The following FANCA variants were observed in gnomAD, a reference collection of about 807,000 sequenced individuals.
The protein encoded by FANCA is FA complementation group A, also known as Fanconi anemia group A protein.
Under a neutral mutation model 194.3 loss-of-function variants are expected in FANCA, and 236 were observed. That is an observed-to-expected ratio of 1.21 (90% CI 1.09 to 1.35). The LOEUF (loss-of-function observed/expected upper bound fraction) is 1.35. Among genes scored for constraint, FANCA ranks in the 40% most tolerant of loss-of-function variants. The pLI is 0.00. For synonymous variants in FANCA, 1,014 were observed against 715.8 expected, an observed-to-expected ratio of 1.42 and a Z score of -6.65; for missense variants, 2,628 against 1,813.9, an observed-to-expected ratio of 1.45 and a Z score of -8.15.
chr16:89,752,247 C>T (rs2038621257), intron 30 of FANCA, 25 bp from the exon 31 acceptor site: 2 of 1,593,052 alleles, frequency 1.3e-6, no homozygotes, highest in East Asian at 2.2e-5. Flanking sequence ...CAATAAAATC[C>T]TCCTCAGTAT....
chr16:89,815,926 GCTGATT>G lies in FANCA; in HGVS notation c.134_139del (p.Glu45_Ser46del). ...CTGATGGCTTCGCAGGAGGCGCACA[GCTGATT>G]CCTTTAATTTCTGTGCCCTTTCAGG... On this transcript the variant is annotated inframe_deletion, in exon 2 of 43. Coordinates refer to ENST00000389301, the MANE Select transcript of FANCA (RefSeq NM_000135.4). 2 of 1,614,166 alleles carry G rather than the reference GCTGATT, an allele frequency of 1.2e-6. No homozygotes were observed. The highest frequency in any genetic ancestry group is 2.7e-5 in the African/African-American group (2 of 75,072).
chr16:89,787,508 G>A (rs2039937814), intron 14 of FANCA, among the ~76,000 whole-genome samples: 1 of 151,710 alleles, frequency 6.6e-6, no homozygotes, highest in Admixed American at 6.6e-5. Context: ...CAACAAGAGC[G>A]AACTCCATCT....
rs1338138752 is a variant in FANCA, at chr16:89,805,344, GCA to G, written c.643_644del (p.Cys215LeufsTer4). 3 of 1,614,078 alleles carry G rather than the reference GCA, an allele frequency of 1.9e-6. No homozygotes were observed. Among genetic ancestry groups the G allele is most frequent in the Non-Finnish European group, 2.5e-6 (3 of 1,179,962 alleles). On this transcript the variant is annotated frameshift_variant, in exon 7 of 43. Transcript: ENST00000389301. LOFTEE classifies it high-confidence loss of function. ...ATGCTTCCATCTGTTCACAAAGGCA[GCA>G]CAGATTCCTGAAGAGCCACGATCCC... ...AVGSWLFRNL[C>X]CLCEQMEASC...
In FANCA at chr16:89,739,344, T is replaced by TA. The variant is rs1215873478; in HGVS notation, c.4011-56_4011-55insT. On this transcript the variant is annotated intron_variant, in intron 40 of 42. Coordinates refer to ENST00000389301, the MANE Select transcript of FANCA (RefSeq NM_000135.4). ...TACAGACTGCTGGAAAGGTAGCAGG[T>TA]GATGCCAAGGGATACTGCTCATCTG... 2.6e-5 allele frequency: 42 copies of TA among 1,607,672 alleles called. No individual in the cohort carries two copies. The African/African-American group carries it at 3.7e-4, about 14-fold the overall frequency.
At position 89,787,704 on chromosome 16, in the gene FANCA, C is replaced by G. The variant is rs1476320368; in HGVS notation, c.1360-2740G>C. On this transcript the variant is annotated intron_variant, in intron 14 of 42. Coordinates refer to ENST00000389301, the MANE Select transcript of FANCA (RefSeq NM_000135.4). ...TGAGCCATGATCACACCACCACATCCCAGCCTGGGAGACAGAACAGAGACC... is the reference window on the plus strand; with the variant it reads ...TGAGCCATGATCACACCACCACATCGCAGCCTGGGAGACAGAACAGAGACC... 2.0e-5 allele frequency among the ~76,000 whole-genome samples: 3 copies of G among 151,790 alleles called. No individual in the cohort carries two copies. In the East Asian group the frequency reaches 5.8e-4, roughly 29 times the overall value.
chr16:89,748,744 G>C lies in FANCA; in HGVS notation c.3263C>G (p.Ser1088Cys). The C allele has an allele frequency of 6.2e-7, 1 of 1,613,992 alleles. No homozygotes were observed. The highest frequency in any genetic ancestry group is 1.3e-5 in the African/African-American group (1 of 75,060). ...CTGGAAGCTGCTGCCGCAGAGGACA[G>C]ACGAAGGCAGGCGGAGGAGGATCCT... ...YKRILLRLPSSVLCGSSFQAE... is the reference protein window; with the variant it reads ...YKRILLRLPSCVLCGSSFQAE... Residue 1088 changes from serine (S) to cysteine (C), a missense_variant, in exon 33 of 43, where the codon TCT becomes TGT. By Grantham distance (112) the Ser-to-Cys change is moderately radical (BLOSUM62 -1). Coordinates refer to ENST00000389301, the MANE Select transcript of FANCA (RefSeq NM_000135.4).
chr16:89,806,948 T>C (rs913075223), intron 6 of FANCA, among the ~76,000 whole-genome samples: 20 of 152,114 alleles, frequency 1.3e-4, no homozygotes, highest in African/African-American at 4.8e-4. Flanking sequence ...GCCCCTCACC[T>C]CCTGGACAGG....
At chr16:89,805,209 T>C (rs1484732720) in intron 7 of FANCA, 71 bp downstream of exon 7, 8 of 1,204,520 alleles carry the variant, frequency 6.6e-6, no homozygotes, top group Non-Finnish European at 8.5e-6. Context: ...GCAGAGCTCT[T>C]GAGAGCAGAA....
chr16:89,812,359 A>C (rs2040918852), intron 3 of FANCA, among the ~76,000 whole-genome samples: 1 of 149,890 alleles, frequency 6.7e-6, no homozygotes, highest in Non-Finnish European at 1.5e-5. Flanking sequence ...ACAAAAAAAA[A>C]CTGGAGGCCA....
chr16:89,772,865 G>C (rs565036346), intron 22 of FANCA, among the ~76,000 whole-genome samples: 1 of 152,010 alleles, frequency 6.6e-6, no homozygotes, highest in African/African-American at 2.4e-5. Context: ...ATCCACAGAT[G>C]AACATTTCTT....
At chr16:89,814,327 C>T (rs1326770279) in intron 3 of FANCA, among the ~76,000 whole-genome samples, 193 bp downstream of exon 3, 1 of 152,166 alleles carries the variant, frequency 6.6e-6, no homozygotes, top group Non-Finnish European at 1.5e-5. Context: ...GAATCAGACG[C>T]TGTTTTTAAA....
At chr16:89,759,318 TAAAAAAAAAAAAAAAAAAA>T (rs71137673) in intron 29 of FANCA, among the ~76,000 whole-genome samples, 97 of 75,206 alleles carry the variant, frequency 1.3e-3, no homozygotes, top group African/African-American at 4.8e-3. Flanking sequence ...AGACTCCGTC[TAAAAAAAAAAAAAAAAAAA>T]AAAAAAAAAA....
At chr16:89,788,227 C>T (rs1200031595) in intron 14 of FANCA, among the ~76,000 whole-genome samples, 2 of 151,786 alleles carry the variant, frequency 1.3e-5, no homozygotes, top group Non-Finnish European at 2.9e-5. Flanking sequence ...CTTTGGGAGG[C>T]TAAGTGGGGC....
Position 89,737,743 on chromosome 16 carries a change from T to C in FANCA, c.*858A>G, listed in dbSNP as rs1054946709. 1 of 1,606,472 alleles carries C rather than the reference T, an allele frequency of 6.2e-7. No homozygotes were observed. The highest frequency in any genetic ancestry group is 8.5e-7 in the Non-Finnish European group (1 of 1,174,192). On this transcript the variant is annotated 3_prime_UTR_variant, in exon 43 of 43. Coordinates refer to ENST00000389301, the MANE Select transcript of FANCA (RefSeq NM_000135.4). ...CAGCTGTGATGGTTTCACATTGTCA[T>C]CGTCGTCCCCCCGGGAGGTTGGAGC...
intron 7 of FANCA, among the ~76,000 whole-genome samples, chr16:89,803,624 CTT>C (rs34752953): frequency 2.9e-4 from 40 of 139,020 alleles, no homozygotes; most frequent in Non-Finnish European, 2.3e-4. Flanking sequence ...AGATTTTTTT[CTT>C]TTTTTTTTTT....
rs972105985 is a variant in FANCA, at chr16:89,791,160, G to C, written c.1359+243C>G. ...GAGACAGAAACCAGGGGAAGGAGCTGAGGCCCCGACAGGGAGAACCCAGGC... is the reference window on the plus strand; with the variant it reads ...GAGACAGAAACCAGGGGAAGGAGCTCAGGCCCCGACAGGGAGAACCCAGGC... On this transcript the variant is annotated intron_variant, in intron 14 of 42. Coordinates refer to ENST00000389301, the MANE Select transcript of FANCA (RefSeq NM_000135.4). The C allele has an allele frequency of 6.8e-5, 39 of 569,806 alleles. No homozygotes were observed. In the Middle Eastern group the frequency reaches 1.4e-3, roughly 21 times the overall value. The allele number at this position is 569,806 out of a possible 1,614,324, so 35.3% of individuals were successfully genotyped here.
Position 89,749,764 on chromosome 16 carries a change from G to A in FANCA, c.3205C>T (p.Leu1069Phe). 1.2e-6 allele frequency: 2 copies of A among 1,614,236 alleles called. No homozygotes were observed. Among genetic ancestry groups the A allele is most frequent in the Middle Eastern group, 1.6e-4 (1 of 6,062 alleles). Residue 1069 changes from leucine (L) to phenylalanine (F), a missense_variant, in exon 32 of 43, where the codon CTT (leucine) becomes TTT (phenylalanine). Transcript: ENST00000389301. ...ATTAGCAGCTCCCTCTGTCTCTGAA[G>A]GCTGGCAGCCACGCTCCACCCGCTT... ...LTSGWSVAAS[L>F]QRQRELLMYK... is the part of the protein sequence containing the mutation.
In FANCA at chr16:89,767,242, A is replaced by G. The variant is rs768436599; in HGVS notation, c.2505-5T>C. The G allele has an allele frequency of 6.3e-7, 1 of 1,591,738 alleles. No homozygotes were observed. The highest frequency in any genetic ancestry group is 2.2e-5 in the East Asian group (1 of 44,764). On this transcript the variant is annotated splice_region_variant and splice_polypyrimidine_tract_variant and intron_variant, in intron 26 of 42. Coordinates refer to ENST00000389301, the MANE Select transcript of FANCA (RefSeq NM_000135.4). ...GAAATTGCTGCTGTACAAAATCTGA[A>G]AACAGAAATTATAACATATAAATGT...
At chr16:89,816,501 C>A (rs1036975307) in intron 1 of FANCA, 36 bp downstream of exon 1, 13 of 1,464,418 alleles carry the variant, frequency 8.9e-6, no homozygotes, top group Non-Finnish European at 1.2e-5. Context: ...CCGGGCCGGA[C>A]GCCGCCCACT....
Sources: allele counts gnomAD v4.1 joint callset (sites outside exome capture counted in the v4.1 genomes callset), GRCh38; gene constraint gnomAD v4.1.1; transcripts MANE v1.5; gene names NCBI Gene and HGNC (gene_info 2026-07-23, HGNC 2026-07-21).